NCOA3: variants seen among roughly 807,000 people sequenced by gnomAD.
The protein encoded by NCOA3 is CBP-interacting protein.
NCOA3 carries 51 observed loss-of-function variants against 158.8 expected under a neutral mutation model. The ratio of observed to expected loss-of-function variants is 0.32; its 90% CI spans 0.26 to 0.41. The LOEUF (loss-of-function observed/expected upper bound fraction) is 0.41. NCOA3 is among the 10% of genes least tolerant of loss of function. NCOA3 has a pLI of 1.00. For missense variants in NCOA3, 1,510 were observed against 1,746.6 expected, an observed-to-expected ratio of 0.86 and a Z score of 2.41; for synonymous variants, 537 against 592.4, an observed-to-expected ratio of 0.91 and a Z score of 1.36.
chr20:47,609,150 A>G (rs1022414645), intron 2 of NCOA3, among the ~76,000 whole-genome samples: 2 of 152,182 alleles, frequency 1.3e-5, no homozygotes, highest in Non-Finnish European at 1.5e-5. Flanking sequence ...CTGATGATCT[A>G]CTTACTAGTT....
intron 2 of NCOA3, among the ~76,000 whole-genome samples, chr20:47,586,227 C>A (rs911859776): frequency 1.1e-4 from 16 of 152,114 alleles, no homozygotes; most frequent in African/African-American, 3.9e-4. Flanking sequence ...CCAATTTTTT[C>A]TTTTTTAAAT....
intron 1 of NCOA3, among the ~76,000 whole-genome samples, chr20:47,534,077 A>G (rs915085370): frequency 4.2e-5 from 6 of 143,668 alleles, no homozygotes; most frequent in African/African-American, 1.5e-4. Context: ...TTTTGAAGGT[A>G]GAGCCAACAG....
At position 47,590,830 on chromosome 20, in the gene NCOA3, C is replaced by G. The variant is rs369225010; in HGVS notation, c.-20+7569C>G. 3.6e-4 allele frequency among the ~76,000 whole-genome samples: 54 copies of G among 151,846 alleles called. No homozygotes were observed. In the East Asian group the frequency reaches 8.4e-3, roughly 24 times the overall value. On this transcript the variant is annotated intron_variant, in intron 2 of 22. Transcript: ENST00000371998. ...TGCCTCAAAACAAAACAAAAAACGG[C>G]TGGGCATGGTGGCTCATACCTGTAG...
At chr20:47,608,083 G>C (rs1454610110) in intron 2 of NCOA3, among the ~76,000 whole-genome samples, 1 of 152,154 alleles carries the variant, frequency 6.6e-6, no homozygotes, top group Non-Finnish European at 1.5e-5. Context: ...AGGCCAGGCA[G>C]GTATATCACC....
At chr20:47,502,935 G>A (rs566787111) in intron 1 of NCOA3, among the ~76,000 whole-genome samples, 2 of 152,184 alleles carry the variant, frequency 1.3e-5, no homozygotes, top group African/African-American at 4.8e-5. Context: ...GAATGACACG[G>A]AAGCTATGAG....
chr20:47,602,141 T>C (rs1273368560), intron 2 of NCOA3, among the ~76,000 whole-genome samples: 1 of 152,222 alleles, frequency 6.6e-6, no homozygotes, highest in Non-Finnish European at 1.5e-5. Flanking sequence ...AATTTATCTT[T>C]TATAGTTTCT....
intron 1 of NCOA3, among the ~76,000 whole-genome samples, chr20:47,522,358 AAGTGCTGGG>A (rs2084355053): frequency 6.6e-6 from 1 of 150,850 alleles, no homozygotes; most frequent in South Asian, 2.1e-4. Context: ...CGCGTCGGCA[AAGTGCTGGG>A]AGTGCTGGGA....
At chr20:47,588,217 C>G (rs1004034785) in intron 2 of NCOA3, among the ~76,000 whole-genome samples, 3 of 143,964 alleles carry the variant, frequency 2.1e-5, no homozygotes, top group African/African-American at 7.7e-5. Flanking sequence ...TCACTGCAAC[C>G]TCTGCCTTCT....
At chr20:47,516,711 A>G (rs1940102471) in intron 1 of NCOA3, among the ~76,000 whole-genome samples, 1 of 152,024 alleles carries the variant, frequency 6.6e-6, no homozygotes. Context: ...ATTTGAGGTC[A>G]GGAGTTCAAG....
At chr20:47,539,185 G>A (rs1263966927) in intron 1 of NCOA3, among the ~76,000 whole-genome samples, 2 of 152,086 alleles carry the variant, frequency 1.3e-5, no homozygotes, top group Non-Finnish European at 2.9e-5. Flanking sequence ...AGGCATGGTG[G>A]CATGTTCCTG....
intron 1 of NCOA3, among the ~76,000 whole-genome samples, chr20:47,569,033 C>T (rs996167165): frequency 1.3e-5 from 2 of 148,280 alleles, no homozygotes; most frequent in Non-Finnish European, 3.0e-5. Context: ...CTAACTATAA[C>T]CTCTGCCTTC....
Position 47,634,148 on chromosome 20 carries a change from T to G in NCOA3, c.1065T>G (p.Pro355=). 1.2e-6 allele frequency: 2 copies of G among 1,614,178 alleles called. No individual in the cohort carries two copies. The highest frequency in any genetic ancestry group is 1.7e-6 in the Non-Finnish European group (2 of 1,180,040). ...AQTKSKLFRN[P]VTNDRHGFVS... is the part of the protein sequence containing the mutation. The stretch of plus-strand genomic sequence containing the variant: ...CAAAAAGCAAACTCTTCCGAAATCC[T>G]GTAACAAATGATCGACATGGCTTTG... The change falls in exon 10 of 23, where the codon CCT becomes CCG. Residue 355 remains proline (P), a synonymous_variant. Coordinates refer to ENST00000371998, the MANE Select transcript of NCOA3 (RefSeq NM_181659.3).
At chr20:47,524,322 G>A (rs1437650607) in intron 1 of NCOA3, among the ~76,000 whole-genome samples, 4 of 152,176 alleles carry the variant, frequency 2.6e-5, no homozygotes, top group African/African-American at 4.8e-5. Flanking sequence ...TTAGACACAC[G>A]GAGAGAGGGT....
chr20:47,606,926 C>G (rs1040209551), intron 2 of NCOA3, among the ~76,000 whole-genome samples: 2 of 152,096 alleles, frequency 1.3e-5, no homozygotes, highest in Non-Finnish European at 2.9e-5. Flanking sequence ...GCATAACAGC[C>G]TTTTATTACT....
chr20:47,639,491 T>A, intron 14 of NCOA3, 86 bp from the exon 15 acceptor site: 1 of 1,516,730 alleles, frequency 6.6e-7, no homozygotes, highest in Non-Finnish European at 8.9e-7. Flanking sequence ...TCAAGGTTGA[T>A]GTTGTGTATA....
At chr20:47,526,095 G>A (rs1009333948) in intron 1 of NCOA3, among the ~76,000 whole-genome samples, 2 of 150,272 alleles carry the variant, frequency 1.3e-5, no homozygotes, top group East Asian at 4.0e-4. Flanking sequence ...GGGGTGGCCG[G>A]GCAGAGACGC....
At chr20:47,585,352 T>G (rs1400533756) in intron 2 of NCOA3, among the ~76,000 whole-genome samples, 1 of 152,170 alleles carries the variant, frequency 6.6e-6, no homozygotes, top group African/African-American at 2.4e-5. Flanking sequence ...CCCCTTTTCT[T>G]AACTTTTAAT....
At chr20:47,532,837 CT>C (rs1398995056) in intron 1 of NCOA3, among the ~76,000 whole-genome samples, 1 of 151,964 alleles carries the variant, frequency 6.6e-6, no homozygotes, top group Non-Finnish European at 1.5e-5. Context: ...GGCACGGTGG[CT>C]CACACCTGTA....
intron 1 of NCOA3, among the ~76,000 whole-genome samples, chr20:47,522,242 A>C (rs930417845): frequency 7.3e-5 from 11 of 150,910 alleles, no homozygotes; most frequent in African/African-American, 2.7e-4. Flanking sequence ...AGCCGGGACT[A>C]CAGGTGCCCG....
Sources: allele counts gnomAD v4.1 joint callset (sites outside exome capture counted in the v4.1 genomes callset), GRCh38; gene constraint gnomAD v4.1.1; transcripts MANE v1.5; gene names NCBI Gene and HGNC (gene_info 2026-07-23, HGNC 2026-07-21).